Variants in CLEC2D observed in about 807,000 individuals in gnomAD.
CLEC2D encodes the protein C-type lectin domain family 2 member D.
Under a neutral mutation model 20.0 loss-of-function variants are expected in CLEC2D, and 16 were observed. That is an observed-to-expected ratio of 0.80 (90% CI 0.54 to 1.22). The LOEUF is 1.22. CLEC2D is among the 50% of genes most tolerant of loss of function. The pLI, the probability that CLEC2D is intolerant of heterozygous loss-of-function variation, is 0.00. For synonymous variants in CLEC2D, 77 were observed against 71.1 expected, an observed-to-expected ratio of 1.08 and a Z score of -0.42; for missense variants, 207 against 221.5, an observed-to-expected ratio of 0.93 and a Z score of 0.42.
At chr12:9,670,344 T>C (rs762612169) in intron 1 of CLEC2D, among the ~76,000 whole-genome samples, 12 of 152,140 alleles carry the variant, frequency 7.9e-5, no homozygotes, top group Non-Finnish European at 1.3e-4. Flanking sequence ...TTGCCACAGT[T>C]AGGGAATATC....
intron 1 of CLEC2D, among the ~76,000 whole-genome samples, chr12:9,679,217 C>G (rs1433584731): frequency 6.6e-6 from 1 of 152,092 alleles, no homozygotes; most frequent in Middle Eastern, 3.2e-3. Context: ...TTTGTTAGAT[C>G]AATTAAGAAT....
chr12:9,688,656 C>A (rs1202185633), intron 3 of CLEC2D, among the ~76,000 whole-genome samples: 1 of 152,022 alleles, frequency 6.6e-6, no homozygotes, highest in Non-Finnish European at 1.5e-5. Context: ...GAGGTGGAGG[C>A]CTACAGTTAG....
intron 2 of CLEC2D, among the ~76,000 whole-genome samples, chr12:9,686,955 A>T (rs1015010405): frequency 2.0e-5 from 3 of 152,172 alleles, no homozygotes; most frequent in Non-Finnish European, 4.4e-5. Context: ...TTATTCACAT[A>T]AGGCATCTCT....
chr12:9,679,380 A>G (rs1865588766), intron 1 of CLEC2D, among the ~76,000 whole-genome samples: 1 of 152,090 alleles, frequency 6.6e-6, no homozygotes, highest in African/African-American at 2.4e-5. Flanking sequence ...ACTGGCAACA[A>G]GTTATCTCAA....
chr12:9,691,829 T>C (rs1248839357), intron 3 of CLEC2D, among the ~76,000 whole-genome samples: 1 of 152,184 alleles, frequency 6.6e-6, no homozygotes, highest in African/African-American at 2.4e-5. Context: ...AGCCTAACTG[T>C]ACACTGTAAG....
In CLEC2D at chr12:9,697,184, G is replaced by T. The variant is rs1016744558; in HGVS notation, c.*2310G>T. The T allele has an allele frequency of 6.6e-6, 1 of 152,136 alleles. No individual in the cohort carries two copies. Among genetic ancestry groups the T allele is most frequent in the Non-Finnish European group, 1.5e-5 (1 of 68,038 alleles). The allele number at this position is 152,136 out of a possible 1,614,324, so 9.4% of individuals were successfully genotyped here. Reference sequence around the variant, plus strand: ...ATCTCTGCAGCACTGTGACATGTTAGTGATGGCCATAACACCCACGCTGGA... The same window carrying T: ...ATCTCTGCAGCACTGTGACATGTTATTGATGGCCATAACACCCACGCTGGA... On this transcript the variant is annotated 3_prime_UTR_variant, in exon 5 of 5. Coordinates refer to ENST00000290855, the MANE Select transcript of CLEC2D (RefSeq NM_013269.6).
At position 9,696,202 on chromosome 12, in the gene CLEC2D, G is replaced by A; in HGVS notation, c.*1328G>A. 1 of 856,718 alleles carries A rather than the reference G, an allele frequency of 1.2e-6. No individual in the cohort carries two copies. Among genetic ancestry groups the A allele is most frequent in the Non-Finnish European group, 2.0e-6 (1 of 505,856 alleles). The allele number at this position is 856,718 out of a possible 1,614,324, so 53.1% of individuals were successfully genotyped here. On this transcript the variant is annotated 3_prime_UTR_variant, in exon 5 of 5. Transcript: ENST00000290855. The stretch of plus-strand genomic sequence containing the variant: ...GATGACTGACCAAGAGGCTATTCAA[G>A]ATCTCTGGCAGTGGAGGAAGTCTCT...
chr12:9,693,270 G>A, intron 4 of CLEC2D: 1 of 583,098 alleles, frequency 1.7e-6, no homozygotes. Flanking sequence ...CAGGGTTGAT[G>A]TGAGGAACAG....
chr12:9,683,320 TTGTTTTTTG>T (rs1443096606), intron 2 of CLEC2D, among the ~76,000 whole-genome samples: 1 of 31,348 alleles, frequency 3.2e-5, no homozygotes, highest in African/African-American at 8.1e-5. Context: ...TGATGATAGT[TTGTTTTTTG>T]TGTTTGTTTT....
At chr12:9,677,707 CTTTTTTTT>C (rs36120151) in intron 1 of CLEC2D, among the ~76,000 whole-genome samples, 3 of 122,414 alleles carry the variant, frequency 2.5e-5, no homozygotes, top group Middle Eastern at 4.5e-3. Flanking sequence ...TTCTTTCTTT[CTTTTTTTT>C]TTTTTTTTTT....
At chr12:9,674,059 C>G (rs1865475060) in intron 1 of CLEC2D, 1 of 152,360 alleles carries the variant, frequency 6.6e-6, no homozygotes, top group Non-Finnish European at 1.5e-5. Context: ...CTGCTGGGCT[C>G]TCCTCCTTGG....
At chr12:9,694,276 A>C (rs1455256174) in intron 4 of CLEC2D, among the ~76,000 whole-genome samples, 1 of 152,176 alleles carries the variant, frequency 6.6e-6, no homozygotes, top group Non-Finnish European at 1.5e-5. Context: ...GCAAAGAGGA[A>C]AAATTTATAA....
intron 4 of CLEC2D, chr12:9,693,289 A>G: frequency 1.9e-6 from 1 of 539,656 alleles, no homozygotes; most frequent in Non-Finnish European, 3.3e-6. Flanking sequence ...AGAGGTTTTG[A>G]TGTATCAGGG....
intron 4 of CLEC2D, chr12:9,693,815 T>A: frequency 2.2e-6 from 1 of 450,680 alleles, no homozygotes; most frequent in Non-Finnish European, 4.4e-6. Context: ...TGTTTGTTTG[T>A]ATTTTTGAGA....
chr12:9,693,191 A>G, intron 4 of CLEC2D: 1 of 1,041,726 alleles, frequency 9.6e-7, no homozygotes, highest in Non-Finnish European at 1.5e-6. Context: ...TAAGCAAACC[A>G]TACAATATCT....
At chr12:9,680,814 T>C (rs1467437438) in intron 1 of CLEC2D, 109 bp from the exon 2 acceptor site, 1 of 598,926 alleles carries the variant, frequency 1.7e-6, no homozygotes, top group East Asian at 2.8e-5. Context: ...TTGCATCCTC[T>C]AGTGAAAAGC....
chr12:9,670,163 A>C (rs1279687894), intron 1 of CLEC2D, among the ~76,000 whole-genome samples: 3 of 152,230 alleles, frequency 2.0e-5, no homozygotes, highest in African/African-American at 7.2e-5. Context: ...AGCTCTTAAG[A>C]GAGAAAAGGT....
rs775730999 is a variant in CLEC2D at position 9,698,004 on chromosome 12, T to C, written c.*3130T>C. On this transcript the variant is annotated 3_prime_UTR_variant, in exon 5 of 5. Transcript: ENST00000290855. ...GTATGTACATAAAAACATCACATTA[T>C]ACACATCAAATATATACAATAAAAA... The C allele has an allele frequency of 6.6e-6, 1 of 152,204 alleles. No homozygotes were observed. The highest frequency in any genetic ancestry group is 1.5e-5 in the Non-Finnish European group (1 of 68,036). 9.4% of individuals were successfully genotyped at this position (152,204 alleles called of 1,614,324 possible).
At chr12:9,693,445 T>G (rs1053170922) in intron 4 of CLEC2D, 3 of 202,634 alleles carry the variant, frequency 1.5e-5, no homozygotes, top group African/African-American at 7.0e-5. Flanking sequence ...AGATTTGAGA[T>G]AATGCTGGAA....
Sources: gnomAD v4.1 joint callset for allele counts (sites outside exome capture counted in the v4.1 genomes callset) on GRCh38, gnomAD v4.1.1 for gene constraint, MANE v1.5 for transcripts, NCBI Gene and HGNC (gene_info 2026-07-23, HGNC 2026-07-21) for gene names.